Variants in MACO1 observed in about 807,000 individuals in gnomAD.
The protein encoded by MACO1 is macoilin.
Under a neutral mutation model 78.7 loss-of-function variants are expected in MACO1, and 14 were observed. The ratio of observed to expected loss-of-function variants is 0.18; its 90% CI spans 0.12 to 0.28. The LOEUF is 0.28. Ranked by LOEUF, MACO1 falls within the 10% of genes least tolerant of loss-of-function variation. The probability of loss-of-function intolerance (pLI) is 1.00; values close to 1 mark genes in which losing one functional copy is unlikely to be tolerated. For synonymous variants in MACO1, 288 were observed against 291.6 expected (o/e 0.99, Z 0.12); for missense variants, 501 against 799.0 (o/e 0.63, Z 4.50).
intron 10 of MACO1, among the ~76,000 whole-genome samples, chr1:25,496,785 A>G (rs1179772187): frequency 6.6e-6 from 1 of 152,110 alleles, no homozygotes; most frequent in Non-Finnish European, 1.5e-5. Flanking sequence ...TCATCACCAA[A>G]TGAATAGTTG....
intron 6 of MACO1, among the ~76,000 whole-genome samples, chr1:25,465,492 G>A (rs773599757): frequency 2.6e-5 from 4 of 152,182 alleles, no homozygotes; most frequent in East Asian, 1.9e-4. Flanking sequence ...ACCCTAATAG[G>A]TGGATAGTGG....
In MACO1 at chr1:25,485,581, T is replaced by C. The variant is rs777399256; in HGVS notation, c.1314-32T>C. 1 of 1,594,888 alleles carries C rather than the reference T, an allele frequency of 6.3e-7. No homozygotes were observed. Among genetic ancestry groups the C allele is most frequent in the South Asian group, 1.1e-5 (1 of 88,074 alleles). On this transcript the variant is annotated intron_variant, in intron 7 of 10. Transcript: ENST00000374343. The surrounding 1 kb of genome is among the most constrained non-coding windows in gnomAD (Gnocchi z 4.3). ...GGTTTATAGTGGGCATTTGTAATTTTAAGACTTTATATGACAATCATTTCC... is the reference window on the plus strand; with the variant it reads ...GGTTTATAGTGGGCATTTGTAATTTCAAGACTTTATATGACAATCATTTCC...
In MACO1 at chr1:25,458,821, A is replaced by T. The variant is rs1413921128; in HGVS notation, c.1083A>T (p.Pro361=). ...AGCAGAAATGCACTAGCAAGAGCCC[A>T]AGTACACACAAGGACTTAATGGAAA... ...EKKQKCTSKS[P]STHKDLMENC... is the part of the protein sequence containing the mutation. Residue 361 remains proline (P), a synonymous_variant, in exon 6 of 11, where the codon CCA becomes CCT. Transcript: ENST00000374343. 1 of 1,614,206 alleles carries T rather than the reference A, an allele frequency of 6.2e-7. No individual in the cohort carries two copies. Among genetic ancestry groups the T allele is most frequent in the Non-Finnish European group, 8.5e-7 (1 of 1,180,026 alleles).
At chr1:25,439,540 A>G (rs1185051209) in intron 1 of MACO1, among the ~76,000 whole-genome samples, 2 of 152,204 alleles carry the variant, frequency 1.3e-5, no homozygotes, top group African/African-American at 4.8e-5. Context: ...CCTAGAATAG[A>G]AAAAAGAAAT....
chr1:25,445,561 T>G (rs547340199), intron 1 of MACO1, among the ~76,000 whole-genome samples: 2 of 152,202 alleles, frequency 1.3e-5, no homozygotes, highest in East Asian at 3.9e-4. Context: ...TTTTTTCTTT[T>G]TTCTTTTTTT....
At chr1:25,467,358 A>G (rs1402806644) in intron 6 of MACO1, among the ~76,000 whole-genome samples, 1 of 152,204 alleles carries the variant, frequency 6.6e-6, no homozygotes, top group African/African-American at 2.4e-5. Flanking sequence ...AGGAATCAAC[A>G]ATTTTGTTTG....
At chr1:25,442,403 C>T (rs2042980529) in intron 1 of MACO1, among the ~76,000 whole-genome samples, 1 of 152,116 alleles carries the variant, frequency 6.6e-6, no homozygotes, top group East Asian at 1.9e-4. Context: ...ACTAGCAGAG[C>T]CAGTAAAATA....
intron 10 of MACO1, among the ~76,000 whole-genome samples, chr1:25,493,636 C>T (rs376290929): frequency 6.6e-6 from 1 of 151,140 alleles, no homozygotes; most frequent in Admixed American, 6.6e-5. Flanking sequence ...CTCTTATTTT[C>T]CAAAACAAAA....
chr1:25,452,124 C>T (rs2043072161), intron 3 of MACO1, among the ~76,000 whole-genome samples: 2 of 151,848 alleles, frequency 1.3e-5, no homozygotes, highest in Admixed American at 1.3e-4. Flanking sequence ...GAACTTGGGC[C>T]CAGTTTATTT....
intron 6 of MACO1, among the ~76,000 whole-genome samples, chr1:25,472,464 G>A (rs1042660871): frequency 6.6e-6 from 1 of 151,780 alleles, no homozygotes; most frequent in Non-Finnish European, 1.5e-5. Flanking sequence ...AACATGCGGT[G>A]TTTGGTTTTC....
intron 2 of MACO1, among the ~76,000 whole-genome samples, chr1:25,447,497 AT>A: frequency 6.6e-6 from 1 of 152,338 alleles, no homozygotes; most frequent in African/African-American, 2.4e-5. Context: ...TAGAAATTAC[AT>A]TTTTAAGTGA....
At chr1:25,442,966 A>G (rs971975269) in intron 1 of MACO1, among the ~76,000 whole-genome samples, 10 of 152,238 alleles carry the variant, frequency 6.6e-5, no homozygotes, top group African/African-American at 2.2e-4. Flanking sequence ...GGTAACATCA[A>G]ATTAGCCATG....
chr1:25,461,517 A>G (rs2043172393), intron 6 of MACO1, among the ~76,000 whole-genome samples: 1 of 152,122 alleles, frequency 6.6e-6, no homozygotes, highest in South Asian at 2.1e-4. Context: ...AGATAAAACT[A>G]ATAGAATAGT....
chr1:25,479,272 A>G (rs1245193165), intron 6 of MACO1, among the ~76,000 whole-genome samples: 1 of 152,210 alleles, frequency 6.6e-6, no homozygotes, highest in Non-Finnish European at 1.5e-5. Context: ...TCACACTAAT[A>G]AATTATATAT....
At chr1:25,496,027 C>T (rs1327911586) in intron 10 of MACO1, among the ~76,000 whole-genome samples, 4 of 152,142 alleles carry the variant, frequency 2.6e-5, no homozygotes, top group Non-Finnish European at 5.9e-5. Context: ...AAAAATATAC[C>T]GCCAAGCTTT....
intron 1 of MACO1, among the ~76,000 whole-genome samples, chr1:25,445,826 A>G (rs978725376): frequency 2.6e-5 from 4 of 152,128 alleles, no homozygotes; most frequent in Non-Finnish European, 5.9e-5. Context: ...TGTGGAAAAT[A>G]TTTTTTAATA....
In MACO1 at chr1:25,485,574, G is replaced by A. The variant is rs371928338; in HGVS notation, c.1314-39G>A. On this transcript the variant is annotated intron_variant, in intron 7 of 10. Transcript: ENST00000374343. The surrounding 1 kb of genome is among the most constrained non-coding windows in gnomAD (Gnocchi z 4.3). The stretch of plus-strand genomic sequence containing the variant: ...TCTCAAGGGTTTATAGTGGGCATTT[G>A]TAATTTTAAGACTTTATATGACAAT... The A allele has an allele frequency of 1.9e-6, 3 of 1,589,128 alleles. No homozygotes were observed. In the African/African-American group the frequency reaches 4.1e-5, roughly 22 times the overall value.
chr1:25,474,108 G>A (rs2124599846), intron 6 of MACO1, among the ~76,000 whole-genome samples: 1 of 152,268 alleles, frequency 6.6e-6, no homozygotes, highest in Middle Eastern at 3.4e-3. Context: ...CTGACACCTA[G>A]CATTTGGGGA....
Position 25,489,241 on chromosome 1 carries a change from T to A in MACO1, c.1565T>A (p.Met522Lys). 1.2e-6 allele frequency: 2 copies of A among 1,614,126 alleles called. No homozygotes were observed. Among genetic ancestry groups the A allele is most frequent in the Non-Finnish European group, 1.7e-6 (2 of 1,179,998 alleles). Reference protein sequence around the residue: ...ELEAEGKKLTMDMKVKEDQIR... With the variant: ...ELEAEGKKLTKDMKVKEDQIR... The stretch of plus-strand genomic sequence containing the variant: ...GAAGCAGAGGGCAAGAAGCTCACGA[T>A]GGACATGAAGGTGAAAGAAGACCAA... The change falls in exon 9 of 11, where the codon ATG (methionine) becomes AAG (lysine). Residue 522 changes from methionine to lysine, a missense_variant. By Grantham distance (95) the Met-to-Lys change is moderately conservative. Transcript: ENST00000374343.
Sources: gnomAD v4.1 joint callset for allele counts (sites outside exome capture counted in the v4.1 genomes callset) on GRCh38, gnomAD v4.1.1 for gene constraint, Gnocchi (gnomAD v3.1) non-coding constraint, MANE v1.5 for transcripts, NCBI Gene and HGNC (gene_info 2026-07-23, HGNC 2026-07-21) for gene names.